GABRA3: variants seen among roughly 807,000 people sequenced by gnomAD.
GABRA3 encodes gamma-aminobutyric acid type A receptor subunit alpha3.
GABRA3 carries 10 observed loss-of-function variants against 30.1 expected under a neutral mutation model. The ratio of observed to expected loss-of-function variants is 0.33; its 90% CI spans 0.20 to 0.56. GABRA3 has a LOEUF of 0.56. Ranked by LOEUF, GABRA3 falls within the 20% of genes least tolerant of loss-of-function variation. GABRA3 has a pLI of 0.89. For missense variants in GABRA3, 233 were observed against 392.0 expected (o/e 0.59, Z 3.42); for synonymous variants, 151 against 146.8 (o/e 1.03, Z -0.21).
intron 4 of GABRA3, among the ~76,000 whole-genome samples, chrX:152,276,916 T>C (rs1431902920): frequency 8.9e-6 from 1 of 111,857 alleles, no homozygotes; most frequent in African/African-American, 3.2e-5. Context: ...TGAATATCTT[T>C]GAGGAGGGAG....
intron 9 of GABRA3, 120 bp downstream of exon 9, chrX:152,189,607 TTGA>T: frequency 2.0e-6 from 1 of 490,053 alleles, no homozygotes; most frequent in Non-Finnish European, 3.4e-6. Flanking sequence ...GAGAACTGGA[TTGA>T]TGACCCCAGT....
intron 3 of GABRA3, among the ~76,000 whole-genome samples, chrX:152,302,300 T>C (rs1260565333): frequency 9.0e-6 from 1 of 111,105 alleles, no homozygotes; most frequent in Non-Finnish European, 1.9e-5. Flanking sequence ...ACAAAAAGCA[T>C]ACTTTAAATA....
chrX:152,394,825 A>G (rs1288537591), intron 1 of GABRA3, among the ~76,000 whole-genome samples: 3 of 111,856 alleles, frequency 2.7e-5, no homozygotes, highest in Admixed American at 9.5e-5. Flanking sequence ...AAAACTGCTC[A>G]GGTGATACAA....
chrX:152,370,180 C>A (rs1928796512), intron 1 of GABRA3, among the ~76,000 whole-genome samples: 1 of 112,241 alleles, frequency 8.9e-6, no homozygotes. Flanking sequence ...CATTTGAGCA[C>A]CTGCTATGTA....
intron 1 of GABRA3, among the ~76,000 whole-genome samples, chrX:152,426,611 G>A: frequency 9.0e-6 from 1 of 111,599 alleles, no homozygotes; most frequent in Middle Eastern, 4.6e-3. Context: ...CTCCAAACAG[G>A]TAGGTATACC....
At chrX:152,429,442 C>T (rs1211940222) in intron 1 of GABRA3, among the ~76,000 whole-genome samples, 2 of 110,951 alleles carry the variant, frequency 1.8e-5, no homozygotes, top group Non-Finnish European at 3.8e-5. Context: ...TACTCCCTTG[C>T]TTAAAACTAT....
At chrX:152,447,989 T>G (rs901882855) in intron 1 of GABRA3, among the ~76,000 whole-genome samples, 1 of 112,606 alleles carries the variant, frequency 8.9e-6, no homozygotes, top group East Asian at 2.8e-4. Context: ...ATTTTATGTC[T>G]GTAGAATCTA....
chrX:152,308,466 C>A (rs764711462), intron 3 of GABRA3, among the ~76,000 whole-genome samples: 9 of 112,041 alleles, frequency 8.0e-5, no homozygotes, highest in African/African-American at 2.9e-4. Flanking sequence ...GCTTGAGGGG[C>A]GAGACAACAA....
chrX:152,344,697 T>C (rs895257542), intron 3 of GABRA3, among the ~76,000 whole-genome samples: 6 of 112,074 alleles, frequency 5.4e-5, no homozygotes, highest in Admixed American at 2.8e-4. Context: ...TCTTGAGCAA[T>C]GTGCTGATAA....
At chrX:152,231,154 TAC>T (rs200345804) in intron 5 of GABRA3, among the ~76,000 whole-genome samples, 7 of 97,985 alleles carry the variant, frequency 7.1e-5, no homozygotes, top group Non-Finnish European at 1.4e-4. Flanking sequence ...TATATATATA[TAC>T]ACACATATAT....
intron 1 of GABRA3, among the ~76,000 whole-genome samples, chrX:152,444,528 G>A (rs1471576719): frequency 1.8e-5 from 2 of 110,708 alleles, no homozygotes; most frequent in Non-Finnish European, 3.8e-5. Context: ...GTGGTGTTAA[G>A]CAACCTTTCC....
intron 1 of GABRA3, among the ~76,000 whole-genome samples, chrX:152,420,477 C>G (rs1268949734): frequency 9.1e-6 from 1 of 110,237 alleles, no homozygotes; most frequent in Non-Finnish European, 1.9e-5. Flanking sequence ...ATTTTTTTTA[C>G]AAAGATACAT....
chrX:152,246,528 A>G (rs768351987), intron 5 of GABRA3, among the ~76,000 whole-genome samples: 1 of 111,692 alleles, frequency 9.0e-6, no homozygotes, highest in South Asian at 3.7e-4. Context: ...CTTCACTGTT[A>G]GCTTTATGTG....
Position 152,322,650 on chromosome X carries a change from C to T in GABRA3, c.262+22931G>A, listed in dbSNP as rs1278015326. ...CCGGGTTGAAGCAATTCTCCTGCCT[C>T]AGCCTCCCCAGTAGCTGGGATTACA... On this transcript the variant is annotated intron_variant, in intron 3 of 9. Coordinates refer to ENST00000370314, the MANE Select transcript of GABRA3 (RefSeq NM_000808.4). Among the ~76,000 whole-genome samples the T allele has an allele frequency of 2.8e-5, 3 of 107,539 alleles. No individual in the cohort carries two copies. The East Asian group carries it at 8.7e-4, about 31-fold the overall frequency. 93.4% of individuals were successfully genotyped at this position (107,539 alleles called of 115,157 possible).
At chrX:152,290,169 C>A (rs1284463852) in intron 3 of GABRA3, among the ~76,000 whole-genome samples, 1 of 111,935 alleles carries the variant, frequency 8.9e-6, no homozygotes, top group Non-Finnish European at 1.9e-5. Flanking sequence ...CACATCCTCT[C>A]CAGTATCTGT....
chrX:152,230,459 T>C (rs1938046227), intron 5 of GABRA3, among the ~76,000 whole-genome samples: 1 of 111,046 alleles, frequency 9.0e-6, no homozygotes, highest in Admixed American at 9.7e-5. Flanking sequence ...GATTTTCTTT[T>C]TGTGAAAATG....
chrX:152,334,647 C>A (rs1447870650), intron 3 of GABRA3, among the ~76,000 whole-genome samples: 1 of 111,235 alleles, frequency 9.0e-6, no homozygotes, highest in African/African-American at 3.3e-5. Flanking sequence ...CATGCCTTTG[C>A]CTCCCTAAGT....
At chrX:152,177,184 G>T (rs1401141156) in intron 9 of GABRA3, among the ~76,000 whole-genome samples, 2 of 111,946 alleles carry the variant, frequency 1.8e-5, no homozygotes, top group Admixed American at 1.9e-4. Flanking sequence ...CAGGAAGGCA[G>T]TTGGAAGGAA....
At chrX:152,279,196 C>A (rs984157178) in intron 4 of GABRA3, among the ~76,000 whole-genome samples, 1 of 111,579 alleles carries the variant, frequency 9.0e-6, no homozygotes, top group African/African-American at 3.3e-5. Context: ...ATGCCTATGT[C>A]CTGAATGGTA....
Sources: allele counts gnomAD v4.1 joint callset (sites outside exome capture counted in the v4.1 genomes callset), GRCh38; gene constraint gnomAD v4.1.1; transcripts MANE v1.5; gene names NCBI Gene and HGNC (gene_info 2026-07-23, HGNC 2026-07-21).